Variants in PARP9 observed in about 807,000 individuals in gnomAD.
The protein encoded by PARP9 is poly(ADP-ribose) polymerase family member 9.
Under a neutral mutation model 68.8 loss-of-function variants are expected in PARP9, and 48 were observed. The ratio of observed to expected loss-of-function variants is 0.70; its 90% CI spans 0.55 to 0.89. PARP9 has a LOEUF of 0.89. PARP9 is among the 40% of genes least tolerant of loss of function. PARP9 has a pLI of 0.00. For missense variants in PARP9, 806 were observed against 969.3 expected (o/e 0.83, Z 2.24); for synonymous variants, 309 against 333.8 (o/e 0.93, Z 0.81).
chr3:122,546,987 T>C (rs942726937), intron 6 of PARP9, among the ~76,000 whole-genome samples: 1 of 73,740 alleles, frequency 1.4e-5, no homozygotes, highest in African/African-American at 5.1e-5. Flanking sequence ...TATATATATA[T>C]ATATATATAT....
chr3:122,547,063 T>TACATATATACACAC lies in PARP9; in HGVS notation c.1327-1588_1327-1575dup, dbSNP rs781273371. Among the ~76,000 whole-genome samples the TACATATATACACAC allele has an allele frequency of 1.9e-4, 24 of 127,522 alleles. 1 individual carries two copies. The highest frequency in any genetic ancestry group is 2.7e-4 in the Non-Finnish European group (16 of 58,602). 83.7% of individuals were successfully genotyped at this position (127,522 alleles called of 152,430 possible). ...ATACATACACACATATATATACACA[T>TACATATATACACAC]ACATATATACACACACACACACATA... is the stretch of plus-strand genomic sequence containing the variant. On this transcript the variant is annotated intron_variant, in intron 6 of 10. Transcript: ENST00000682323.
chr3:122,545,484 G>T lies in PARP9; in HGVS notation c.1332C>A (p.Phe444Leu). 6.2e-7 allele frequency: 1 copy of T among 1,614,186 alleles called. No homozygotes were observed. Among genetic ancestry groups the T allele is most frequent in the Non-Finnish European group, 8.5e-7 (1 of 1,180,026 alleles). The change falls in exon 7 of 11, where the codon TTC (phenylalanine) becomes TTA (leucine). Residue 444 changes from phenylalanine (F) to leucine (L), a missense_variant. Around this residue, in one of 2 missense-constraint regions of PARP9, gnomAD observed 680 missense variants for 858.8 expected, o/e 0.79. Transcript: ENST00000682323. ...TGGACCTCTTTGCCATTTCAGAACT[G>T]AAAGCCTACAAGAAGCAAAACAGAG... Reference protein sequence around the residue: ...FPTDLEIYKAFSSEMAKRSKM... With the variant: ...FPTDLEIYKALSSEMAKRSKM...
At chr3:122,530,146 C>T (rs1576369377) in intron 10 of PARP9, among the ~76,000 whole-genome samples, 1 of 132,862 alleles carries the variant, frequency 7.5e-6, no homozygotes, top group Non-Finnish European at 1.5e-5. Flanking sequence ...CACTGCACTC[C>T]AACCTGGGTG....
chr3:122,541,157 C>T (rs149127261), intron 7 of PARP9, among the ~76,000 whole-genome samples: 32,754 of 151,906 alleles, frequency 0.22, 4,032 homozygotes, highest in Non-Finnish European at 0.27. Context: ...CCCACAGTGC[C>T]AGGATTACAG....
intron 5 of PARP9, among the ~76,000 whole-genome samples, chr3:122,551,047 A>C (rs1251895815): frequency 6.6e-6 from 1 of 152,042 alleles, no homozygotes; most frequent in Non-Finnish European, 1.5e-5. Context: ...GGGCACTAGA[A>C]TTTCTCCCAG....
At chr3:122,546,241 C>A (rs1238681851) in intron 6 of PARP9, among the ~76,000 whole-genome samples, 3 of 152,212 alleles carry the variant, frequency 2.0e-5, no homozygotes, top group Non-Finnish European at 4.4e-5. Flanking sequence ...TCAGTGGAAA[C>A]TGTACTTGGA....
rs1202453892 is a variant in PARP9 at position 122,552,735 on chromosome 3, C to T, written c.886-96G>A. The T allele has an allele frequency of 3.1e-5, 27 of 876,638 alleles. No individual in the cohort carries two copies. In the South Asian group the frequency reaches 4.5e-4, roughly 14 times the overall value. The allele number at this position is 876,638 out of a possible 1,614,324, so 54.3% of individuals were successfully genotyped here. On this transcript the variant is annotated intron_variant, in intron 4 of 10. Coordinates refer to ENST00000682323, the MANE Select transcript of PARP9 (RefSeq NM_001146105.2). ...CTTCCCTGAAGAGCTTTGAAAAATA[C>T]TCTTTGAAGATCCTAAATTCTAAAA... is the stretch of plus-strand genomic sequence containing the variant.
chr3:122,538,658 CCACACACACACACACA>C (rs10577699), intron 8 of PARP9, among the ~76,000 whole-genome samples: 8 of 144,942 alleles, frequency 5.5e-5, no homozygotes, highest in Non-Finnish European at 1.2e-4. Context: ...TAAAGCAATG[CCACACACACACACACA>C]CACACACACA....
In PARP9 at chr3:122,545,520, T is replaced by G. The variant is rs1378156093; in HGVS notation, c.1327-31A>C. The G allele has an allele frequency of 4.3e-6, 7 of 1,610,012 alleles. No individual in the cohort carries two copies. The East Asian group carries it at 1.6e-4, about 36-fold the overall frequency. On this transcript the variant is annotated intron_variant, in intron 6 of 10. Transcript: ENST00000682323. ...AGAAGCAAAACAGAGCAGAGAGTCA[T>G]AAGCAGGGCTGATAGCCATTGTCAT... is the stretch of plus-strand genomic sequence containing the variant.
chr3:122,528,575 C>G lies in PARP9; in HGVS notation c.2249G>C (p.Ser750Thr). 2.5e-6 allele frequency: 4 copies of G among 1,614,142 alleles called. No individual in the cohort carries two copies. The highest frequency in any genetic ancestry group is 3.4e-6 in the Non-Finnish European group (4 of 1,180,018). ...GTCATGACCATCTATAGCTCCAGGA[C>G]TCAGTGGTGGGGGAACAATATTTAA... ...HPLNIVPPPLSPGAIDGHDSV... is the reference protein window; with the variant it reads ...HPLNIVPPPLTPGAIDGHDSV... Residue 750 changes from serine to threonine, a missense_variant, in exon 11 of 11, where the codon AGT becomes ACT. By Grantham distance (58) the Ser-to-Thr change is moderately conservative. Around this residue, in one of 2 missense-constraint regions of PARP9, gnomAD observed 680 missense variants for 858.8 expected, o/e 0.79. Coordinates refer to ENST00000682323, the MANE Select transcript of PARP9 (RefSeq NM_001146105.2).
Position 122,556,141 on chromosome 3 carries a change from T to TAAAA in PARP9, c.50-24_50-21dup, listed in dbSNP as rs745677021. The TAAAA allele has an allele frequency of 9.0e-4, 189 of 209,766 alleles. 10 individuals are homozygous for TAAAA. The highest frequency in any genetic ancestry group is 1.3e-3 in the East Asian group (18 of 13,878). The allele number at this position is 209,766 out of a possible 1,614,324, so 13.0% of individuals were successfully genotyped here. ...CAGTCTCTGGAAAAGAAGAGAAGATTAAAAAAAAAAAAAAAAAAAAAAAAA... is the reference window on the plus strand; with the variant it reads ...CAGTCTCTGGAAAAGAAGAGAAGATTAAAAAAAAAAAAAAAAAAAAAAAAAAAAA... On this transcript the variant is annotated intron_variant, in intron 3 of 10. Coordinates refer to ENST00000682323, the MANE Select transcript of PARP9 (RefSeq NM_001146105.2).
rs368112511 is a variant in PARP9, at chr3:122,555,994, G to C, written c.177C>G (p.Thr59=). Residue 59 remains threonine, a synonymous_variant, in exon 4 of 11, where the codon ACC becomes ACG. Transcript: ENST00000682323. ...TGCCTTCCTGAACTGGAGAGACCAG[G>C]GTAGAGATACAGCCAAACTTATTCT... ...VLQNKFGCIS[T]LVSPVQEGNS... is the part of the protein sequence containing the mutation. 14 of 1,613,834 alleles carry C rather than the reference G, an allele frequency of 8.7e-6. No individual in the cohort carries two copies. In the East Asian group the frequency reaches 3.1e-4, roughly 36 times the overall value.
At chr3:122,534,576 T>A in intron 10 of PARP9, 1 of 492,428 alleles carries the variant, frequency 2.0e-6, no homozygotes, top group Non-Finnish European at 2.6e-6. Flanking sequence ...ATCTTGCCTT[T>A]AAGCTTTAAG....
intron 9 of PARP9, 140 bp downstream of exon 9, chr3:122,536,794 C>T: frequency 9.6e-7 from 1 of 1,039,936 alleles, no homozygotes; most frequent in Non-Finnish European, 1.4e-6. Context: ...GCCCTGCTCT[C>T]TTTTCAGTCT....
chr3:122,533,312 T>A (rs2077429083), intron 10 of PARP9: 1 of 152,160 alleles, frequency 6.6e-6, no homozygotes, highest in South Asian at 2.1e-4. Context: ...ACAAAGGGCA[T>A]ATTTCTTAGG....
intron 1 of PARP9, among the ~76,000 whole-genome samples, chr3:122,562,642 G>A (rs367943612): frequency 2.4e-4 from 37 of 152,124 alleles, no homozygotes; most frequent in Admixed American, 2.4e-3. Context: ...GTCAATCAGC[G>A]CTTCTCCTGT....
chr3:122,539,946 G>A (rs1040258193), intron 8 of PARP9, among the ~76,000 whole-genome samples: 13 of 152,150 alleles, frequency 8.5e-5, no homozygotes, highest in Admixed American at 8.5e-4. Flanking sequence ...AAATTCCCAC[G>A]TGTATCCTGA....
intron 1 of PARP9, among the ~76,000 whole-genome samples, chr3:122,562,385 G>A (rs2080313391): frequency 6.6e-6 from 1 of 151,328 alleles, no homozygotes; most frequent in Admixed American, 6.6e-5. Flanking sequence ...AGTAGAGACG[G>A]GGTTTCACCA....
intron 7 of PARP9, among the ~76,000 whole-genome samples, chr3:122,543,626 C>T (rs1299204821): frequency 1.3e-5 from 2 of 151,920 alleles, no homozygotes; most frequent in African/African-American, 4.8e-5. Flanking sequence ...AGATCATCAT[C>T]ATTAATCATT....
Sources: allele counts gnomAD v4.1 joint callset (sites outside exome capture counted in the v4.1 genomes callset), GRCh38; gene constraint gnomAD v4.1.1; regional missense constraint gnomAD v4.1.1; transcripts MANE v1.5; gene names NCBI Gene and HGNC (gene_info 2026-07-23, HGNC 2026-07-21).